CSF1R: variants seen among roughly 807,000 people sequenced by gnomAD.
CSF1R encodes the protein colony stimulating factor 1 receptor, also known as macrophage colony-stimulating factor 1 receptor.
Under a neutral mutation model 110.0 loss-of-function variants are expected in CSF1R, and 40 were observed. The observed-to-expected ratio is 0.36, with a 90% CI of 0.28 to 0.47. The LOEUF is 0.47. Ranked by LOEUF, CSF1R falls within the 20% of genes least tolerant of loss-of-function variation. The pLI is 0.99. For synonymous variants in CSF1R, 523 were observed against 503.4 expected (o/e 1.04, Z -0.52); for missense variants, 1,052 against 1,253.0 (o/e 0.84, Z 2.42).
At chr5:150,084,358 A>G (rs1758706591) in intron 1 of CSF1R, among the ~76,000 whole-genome samples, 1 of 43,804 alleles carries the variant, frequency 2.3e-5, no homozygotes, top group Non-Finnish European at 4.3e-5. Flanking sequence ...AAAGAAAGAA[A>G]GAAAGAAAGA....
chr5:150,112,198 A>T (rs1270314440), intron 1 of CSF1R, among the ~76,000 whole-genome samples: 1 of 151,610 alleles, frequency 6.6e-6, no homozygotes, highest in Non-Finnish European at 1.5e-5. Flanking sequence ...GACTACCCTC[A>T]CACTTTGCCC....
At chr5:150,064,630 G>T (rs1179438646) in intron 10 of CSF1R, among the ~76,000 whole-genome samples, 1 of 152,218 alleles carries the variant, frequency 6.6e-6, no homozygotes, top group African/African-American at 2.4e-5. Flanking sequence ...ATCTCTAGGA[G>T]CCTCTGTGGC....
At chr5:150,058,117 T>TA (rs2113783964) in intron 14 of CSF1R, 1 of 437,134 alleles carries the variant, frequency 2.3e-6, no homozygotes, top group Non-Finnish European at 4.6e-6. Flanking sequence ...AAGTACAGCC[T>TA]AAGCTGAGGC....
At chr5:150,056,925 C>T (rs1581280899) in intron 16 of CSF1R, among the ~76,000 whole-genome samples, 1 of 152,146 alleles carries the variant, frequency 6.6e-6, no homozygotes, top group African/African-American at 2.4e-5. Context: ...GCACTTTATA[C>T]GTTATCTAAT....
In CSF1R at chr5:150,080,910, G is replaced by A; in HGVS notation, c.164C>T (p.Ser55Leu). The A allele has an allele frequency of 6.2e-7, 1 of 1,614,214 alleles. No individual in the cohort carries two copies. Among genetic ancestry groups the A allele is most frequent in the Non-Finnish European group, 8.5e-7 (1 of 1,180,034 alleles). ...NGSVEWDGPP[S>L]PHWTLYSDGS... is the part of the protein sequence containing the mutation. ...ATCAGAGTACAGGGTCCAGTGAGGT[G>A]ATGGGGGGCCATCCCATTCCACGCT... Residue 55 changes from serine to leucine, a missense_variant, in exon 2 of 21, where the codon TCA becomes TTA. Coordinates refer to ENST00000675795, the MANE Select transcript of CSF1R (RefSeq NM_001288705.3).
rs138987451 is a variant in CSF1R at position 150,102,735 on chromosome 5, C to A, written c.-181+10526G>T. ...CCTCAAGTGATCTGCATGCCTTGGTCTCCCAAAGTGCTGGGATTATAGGCA... is the reference window on the plus strand; with the variant it reads ...CCTCAAGTGATCTGCATGCCTTGGTATCCCAAAGTGCTGGGATTATAGGCA... On this transcript the variant is annotated intron_variant, in intron 1 of 21. Transcript: ENST00000286301. Among the ~76,000 whole-genome samples the A allele has an allele frequency of 2.9e-3, 448 of 152,360 alleles. 2 individuals carry two copies. The highest frequency in any genetic ancestry group is 0.01 in the African/African-American group (425 of 41,580).
chr5:150,064,371 T>C (rs1757664124), intron 10 of CSF1R, among the ~76,000 whole-genome samples: 2 of 152,068 alleles, frequency 1.3e-5, no homozygotes, highest in South Asian at 2.1e-4. Flanking sequence ...TTCTAGCTGG[T>C]AGTTAGAGAG....
intron 5 of CSF1R, among the ~76,000 whole-genome samples, chr5:150,074,145 T>C (rs760307571): frequency 9.9e-5 from 15 of 151,972 alleles, no homozygotes; most frequent in Non-Finnish European, 1.9e-4. Flanking sequence ...GGGCTGAGAG[T>C]TGGGGAGTCA....
At chr5:150,076,320 TCCTATCTATCTATCTATCTATCTATCTA>T (rs1182467277) in intron 5 of CSF1R, among the ~76,000 whole-genome samples, 1 of 124,944 alleles carries the variant, frequency 8.0e-6, no homozygotes, top group African/African-American at 3.1e-5. Context: ...TCTAAGTACT[TCCTATCTATCTATCTATCTATCTATCTA>T]TCTATCTATC....
chr5:150,057,810 G>A (rs1483725999), intron 14 of CSF1R, among the ~76,000 whole-genome samples: 1 of 152,202 alleles, frequency 6.6e-6, no homozygotes, highest in Non-Finnish European at 1.5e-5. Flanking sequence ...CTCTGCCTGT[G>A]AGAAAGTTCT....
intron 3 of CSF1R, 60 bp from the exon 4 acceptor site, chr5:150,078,308 C>T: frequency 6.3e-7 from 1 of 1,590,792 alleles, no homozygotes; most frequent in Non-Finnish European, 8.6e-7. Context: ...AGAGATATTG[C>T]TCTCCTCCCT....
At chr5:150,089,980 G>C (rs1008797495), upstream of CSF1R, among the ~76,000 whole-genome samples, 1 of 152,102 alleles carries the variant, frequency 6.6e-6, no homozygotes, top group African/African-American at 2.4e-5. Context: ...GTCACATGCA[G>C]AAGAATGAAG....
intron 19 of CSF1R, 84 bp from the exon 20 acceptor site, chr5:150,054,514 A>G (rs1276025477): frequency 3.5e-6 from 4 of 1,144,126 alleles, no homozygotes; most frequent in Non-Finnish European, 5.0e-6. Context: ...AGACCTACCC[A>G]GCAGAGGTCC....
At chr5:150,060,812 ATTCCCCAGAGGCCCCAAGACC>A (rs763618027) in intron 13 of CSF1R, 29 bp downstream of exon 13, 26 of 1,265,528 alleles carry the variant, frequency 2.1e-5, no homozygotes, top group African/African-American at 3.0e-5. Context: ...GGGCCCTGAG[ATTCCCCAGAGGCCCCAAGACC>A]TTGGCCCCAG....
In CSF1R at chr5:150,070,586, C is replaced by T; in HGVS notation, c.1083-15G>A. ...TGAAGGTGTGCCTGCAGGAGAGAATCAGGTGGTGTTGGTGAGCCCCAGCCT... is the reference window on the plus strand; with the variant it reads ...TGAAGGTGTGCCTGCAGGAGAGAATTAGGTGGTGTTGGTGAGCCCCAGCCT... On this transcript the variant is annotated splice_polypyrimidine_tract_variant and intron_variant, in intron 6 of 20. Coordinates refer to ENST00000675795, the MANE Select transcript of CSF1R (RefSeq NM_001288705.3). 6.7e-7 allele frequency: 1 copy of T among 1,497,052 alleles called. No homozygotes were observed. Among genetic ancestry groups the T allele is most frequent in the Non-Finnish European group, 8.9e-7 (1 of 1,120,290 alleles). 92.7% of individuals were successfully genotyped at this position (1,497,052 alleles called of 1,614,324 possible). A position where few individuals can be genotyped will look rare whatever the true frequency, so the allele number is the denominator to read the frequency against.
At chr5:150,057,726 C>G in intron 14 of CSF1R, 134 bp from the exon 15 acceptor site, 1 of 657,240 alleles carries the variant, frequency 1.5e-6, no homozygotes, top group Non-Finnish European at 2.7e-6. Flanking sequence ...TGCCACACTC[C>G]ATCTGAGTGA....
chr5:150,074,393 C>T (rs183172039), intron 5 of CSF1R, among the ~76,000 whole-genome samples: 39 of 150,808 alleles, frequency 2.6e-4, no homozygotes, highest in South Asian at 1.9e-3. Flanking sequence ...CTGCAACCTC[C>T]GCCTCCCAGG....
chr5:150,057,922 C>T lies in CSF1R; in HGVS notation c.2133-330G>A, dbSNP rs183669816. Among the ~76,000 whole-genome samples, 508 of 152,290 alleles carry T rather than the reference C, an allele frequency of 3.3e-3. 2 individuals are homozygous for T. The highest frequency in any genetic ancestry group is 5.6e-3 in the Non-Finnish European group (381 of 68,036). ...TTGGAGTCCTCTTCCCCATAACAGC[C>T]CTACTAGAATTGGGGCATATTCTAG... is the stretch of plus-strand genomic sequence containing the variant. On this transcript the variant is annotated intron_variant, in intron 14 of 20. Transcript: ENST00000675795.
At chr5:150,096,987 G>A (rs1759243797) in intron 1 of CSF1R, among the ~76,000 whole-genome samples, 1 of 152,166 alleles carries the variant, frequency 6.6e-6, no homozygotes, top group Non-Finnish European at 1.5e-5. Context: ...AATAGACCAG[G>A]TGTGGTGACT....
Sources: gnomAD v4.1 joint callset for allele counts (sites outside exome capture counted in the v4.1 genomes callset) on GRCh38, gnomAD v4.1.1 for gene constraint, MANE v1.5 for transcripts, NCBI Gene and HGNC (gene_info 2026-07-23, HGNC 2026-07-21) for gene names.